Variants in DOCK4 observed in about 807,000 individuals in gnomAD.
The protein encoded by DOCK4 is dedicator of cytokinesis 4.
Under a neutral mutation model 268.1 loss-of-function variants are expected in DOCK4, and 97 were observed. That is an observed-to-expected ratio of 0.36 (90% CI 0.31 to 0.43). The LOEUF (loss-of-function observed/expected upper bound fraction) is 0.43. Ranked by LOEUF, DOCK4 falls within the 20% of genes least tolerant of loss-of-function variation. The probability of loss-of-function intolerance (pLI) is 1.00; values close to 1 mark genes in which losing one functional copy is unlikely to be tolerated. For synonymous variants in DOCK4, 954 were observed against 887.2 expected, an observed-to-expected ratio of 1.08 and a Z score of -1.34; for missense variants, 2,145 against 2,455.7, an observed-to-expected ratio of 0.87 and a Z score of 2.67.
intron 8 of DOCK4, among the ~76,000 whole-genome samples, chr7:111,949,026 T>A (rs74965105): frequency 0.034 from 5,132 of 152,270 alleles, 116 homozygotes; most frequent in Non-Finnish European, 0.048. Flanking sequence ...GGTTTAAGGA[T>A]GATATTTAGT....
chr7:112,087,674 A>T (rs981701958), intron 1 of DOCK4, among the ~76,000 whole-genome samples: 4 of 152,130 alleles, frequency 2.6e-5, no homozygotes, highest in Non-Finnish European at 4.4e-5. Context: ...CCTGAGACAA[A>T]ACTGTCAGAC....
chr7:112,057,600 T>C (rs1805946542), intron 1 of DOCK4, among the ~76,000 whole-genome samples: 1 of 151,142 alleles, frequency 6.6e-6, no homozygotes, highest in African/African-American at 2.4e-5. Flanking sequence ...TAGCAAGACC[T>C]TATCCTTGCA....
intron 8 of DOCK4, among the ~76,000 whole-genome samples, chr7:111,958,377 GC>G: frequency 6.6e-6 from 1 of 152,320 alleles, no homozygotes; most frequent in East Asian, 1.9e-4. Context: ...GAGGTGGGTT[GC>G]TAAGTGTGAC....
intron 1 of DOCK4, among the ~76,000 whole-genome samples, chr7:112,101,075 A>C (rs1810634439): frequency 6.6e-6 from 1 of 152,146 alleles, no homozygotes; most frequent in Non-Finnish European, 1.5e-5. Flanking sequence ...GAAGGGGTAC[A>C]GGGGGGACAC....
intron 31 of DOCK4, among the ~76,000 whole-genome samples, chr7:111,790,122 A>G (rs545819285): frequency 9.2e-5 from 14 of 152,224 alleles, no homozygotes; most frequent in Non-Finnish European, 1.8e-4. Context: ...TGAGAGCTCA[A>G]TGAGTTTAAT....
In DOCK4 at chr7:111,788,729, C is replaced by CA; in HGVS notation, c.3333dup (p.Asp1112Ter). The CA allele has an allele frequency of 6.3e-7, 1 of 1,591,398 alleles. No homozygotes were observed. Among genetic ancestry groups the CA allele is most frequent in the Non-Finnish European group, 8.6e-7 (1 of 1,167,620 alleles). ...TCTGACATCAGGCTATCCAGTTTGT[C>CA]AATTAGCTTGGCTTCCACCTGAAAC... On this transcript the variant is annotated frameshift_variant, in exon 32 of 53. Coordinates refer to ENST00000428084, the MANE Select transcript of DOCK4 (RefSeq NM_001363540.2). LOFTEE classifies it high-confidence loss of function.
intron 12 of DOCK4, among the ~76,000 whole-genome samples, chr7:111,917,858 T>C (rs1375580524): frequency 6.6e-6 from 1 of 152,184 alleles, no homozygotes; most frequent in Non-Finnish European, 1.5e-5. Flanking sequence ...AAAAATGACT[T>C]ACAGTATGAT....
intron 1 of DOCK4, among the ~76,000 whole-genome samples, chr7:112,200,275 G>C (rs1385352174): frequency 6.6e-6 from 1 of 152,084 alleles, no homozygotes; most frequent in African/African-American, 2.4e-5. Flanking sequence ...ATATGTGTGT[G>C]GGGTGGTACT....
At chr7:112,042,404 C>T (rs1804462241) in intron 1 of DOCK4, among the ~76,000 whole-genome samples, 1 of 152,128 alleles carries the variant, frequency 6.6e-6, no homozygotes, top group African/African-American at 2.4e-5. Flanking sequence ...GTCTTGCAGA[C>T]ATTGAGGAAG....
chr7:111,876,930 T>TA lies in DOCK4; in HGVS notation c.1744+99dup, dbSNP rs1381473874. ...CAAATGGAAGGATCAATAATTTTTC[T>TA]AAAGTTCTTAACTATCACTTTGGTG... On this transcript the variant is annotated intron_variant, in intron 17 of 52. Transcript: ENST00000428084. 2.9e-5 allele frequency: 33 copies of TA among 1,127,408 alleles called. No individual in the cohort carries two copies. In the African/African-American group the frequency reaches 5.0e-4, roughly 17 times the overall value. 69.8% of individuals were successfully genotyped at this position (1,127,408 alleles called of 1,614,324 possible).
chr7:112,043,497 T>C (rs1368868460), intron 1 of DOCK4, among the ~76,000 whole-genome samples: 5 of 150,472 alleles, frequency 3.3e-5, no homozygotes, highest in African/African-American at 1.2e-4. Context: ...AGATTAAATC[T>C]CTATTAAAAA....
At chr7:112,115,961 G>C (rs147442259) in intron 1 of DOCK4, among the ~76,000 whole-genome samples, 1 of 152,286 alleles carries the variant, frequency 6.6e-6, no homozygotes, top group East Asian at 1.9e-4. Context: ...TTACAGGCAT[G>C]AGCCACCATG....
intron 1 of DOCK4, among the ~76,000 whole-genome samples, chr7:112,175,001 C>T (rs1417861003): frequency 1.4e-5 from 2 of 142,018 alleles, no homozygotes; most frequent in African/African-American, 5.4e-5. Context: ...AGTGCAGTGG[C>T]GCGATCTTGG....
intron 6 of DOCK4, 80 bp downstream of exon 6, chr7:111,988,935 T>A (rs564090252): frequency 2.0e-6 from 3 of 1,517,236 alleles, no homozygotes; most frequent in Admixed American, 4.1e-5. Context: ...TCCAGTGACA[T>A]TACCACGTTC....
chr7:112,119,932 T>C (rs929321743), intron 1 of DOCK4, among the ~76,000 whole-genome samples: 3 of 151,474 alleles, frequency 2.0e-5, no homozygotes, highest in Non-Finnish European at 4.4e-5. Context: ...ACTGCAACCT[T>C]CGCCTCCCAG....
chr7:111,843,603 C>T (rs187589617), intron 25 of DOCK4, among the ~76,000 whole-genome samples: 39 of 152,104 alleles, frequency 2.6e-4, no homozygotes, highest in African/African-American at 8.9e-4. Context: ...AGAAAGTGGA[C>T]GATTCATAAC....
intron 13 of DOCK4, among the ~76,000 whole-genome samples, chr7:111,910,449 T>C (rs536479586): frequency 1.3e-5 from 2 of 152,206 alleles, no homozygotes; most frequent in Non-Finnish European, 1.5e-5. Context: ...ATGCTGTACA[T>C]GTACGATACT....
At chr7:111,765,770 G>C (rs1287256803) in intron 38 of DOCK4, among the ~76,000 whole-genome samples, 5 of 152,200 alleles carry the variant, frequency 3.3e-5, no homozygotes, top group Non-Finnish European at 7.3e-5. Flanking sequence ...GAGACCCATA[G>C]TGCAAAGTGC....
intron 8 of DOCK4, among the ~76,000 whole-genome samples, chr7:111,972,811 T>G (rs1797826883): frequency 6.6e-6 from 1 of 152,074 alleles, no homozygotes; most frequent in Non-Finnish European, 1.5e-5. Flanking sequence ...TTCTCTGTCC[T>G]TCTATCTTTA....
Sources: allele counts gnomAD v4.1 joint callset (sites outside exome capture counted in the v4.1 genomes callset), GRCh38; gene constraint gnomAD v4.1.1; transcripts MANE v1.5; gene names NCBI Gene and HGNC (gene_info 2026-07-23, HGNC 2026-07-21).